The following PLCL2 variants were observed in gnomAD, a reference collection of about 807,000 sequenced individuals.
The protein encoded by PLCL2 is inactive phospholipase C-like protein 2.
A neutral mutation model predicts 79.6 loss-of-function variants in PLCL2; 4 were observed. That is an observed-to-expected ratio of 0.05 (90% CI 0.02 to 0.11). The LOEUF is 0.11. Ranked by LOEUF, PLCL2 falls within the 10% of genes least tolerant of loss-of-function variation. PLCL2 has a pLI of 1.00. For missense variants in PLCL2, 895 were observed against 1,291.0 expected, an observed-to-expected ratio of 0.69 and a Z score of 4.70; for synonymous variants, 484 against 457.7, an observed-to-expected ratio of 1.06 and a Z score of -0.73.
At chr3:17,064,718 A>C (rs1280120537) in intron 4 of PLCL2, among the ~76,000 whole-genome samples, 1 of 152,052 alleles carries the variant, frequency 6.6e-6, no homozygotes, top group Non-Finnish European at 1.5e-5. Context: ...ATAACACAGA[A>C]ATGTTTAAAT....
In PLCL2 at chr3:17,014,770, C is replaced by A. The variant is rs2064365902; in HGVS notation, c.2877C>A (p.Cys959Ter). 6.2e-7 allele frequency: 1 copy of A among 1,613,980 alleles called. No individual in the cohort carries two copies. The highest frequency in any genetic ancestry group is 8.5e-7 in the Non-Finnish European group (1 of 1,179,966). The change falls in exon 3 of 6, where the codon TGC becomes TGA. Residue 959 changes from cysteine to a stop codon, truncating the protein, a stop_gained. Coordinates refer to ENST00000615277, the MANE Select transcript of PLCL2 (RefSeq NM_001144382.2). LOFTEE classifies it high-confidence loss of function. ...GLSSVANLMQCMLAVSPRFLG... is the reference protein window; with the variant it reads ...GLSSVANLMQ ...CCTCTGTGGCCAATCTCATGCAGTG[C>A]ATGTTGGCGGTGTCTCCCCGCTTTC...
chr3:16,931,726 A>G (rs985535426), intron 1 of PLCL2, among the ~76,000 whole-genome samples: 8 of 152,146 alleles, frequency 5.3e-5, no homozygotes, highest in Admixed American at 2.6e-4. Flanking sequence ...CTCCCTTGCA[A>G]TGAGAATAAC....
intron 5 of PLCL2, among the ~76,000 whole-genome samples, chr3:17,077,607 G>C (rs920637507): frequency 1.3e-5 from 2 of 152,162 alleles, no homozygotes; most frequent in Non-Finnish European, 2.9e-5. Context: ...AATATTCACT[G>C]TACTGGTGGT....
At position 17,002,832 on chromosome 3, in the gene PLCL2, G is replaced by T. The variant is rs575879576; in HGVS notation, c.328-6842G>T. Among the ~76,000 whole-genome samples the T allele has an allele frequency of 4.9e-4, 75 of 151,650 alleles. 1 individual carries two copies. In the South Asian group the frequency reaches 0.014, roughly 28 times the overall value. On this transcript the variant is annotated intron_variant, in intron 1 of 5. Transcript: ENST00000615277. Reference sequence around the variant, plus strand: ...TATTTTCATTTGGATAATTTCTATTGACCTATCTGCAAGTTTACAGATTCT... The same window carrying T: ...TATTTTCATTTGGATAATTTCTATTTACCTATCTGCAAGTTTACAGATTCT...
At chr3:16,969,337 A>G (rs1198499473) in intron 1 of PLCL2, among the ~76,000 whole-genome samples, 1 of 151,946 alleles carries the variant, frequency 6.6e-6, no homozygotes, top group Admixed American at 6.6e-5. Flanking sequence ...TTCTTTTTGC[A>G]TGTGGTAGAA....
chr3:17,045,550 G>A (rs1185654265), intron 4 of PLCL2, among the ~76,000 whole-genome samples: 1 of 152,178 alleles, frequency 6.6e-6, no homozygotes, highest in African/African-American at 2.4e-5. Flanking sequence ...GACCCAAAGG[G>A]ACCATGGAAA....
At chr3:16,914,118 T>A (rs1220632176) in intron 1 of PLCL2, among the ~76,000 whole-genome samples, 1 of 152,228 alleles carries the variant, frequency 6.6e-6, no homozygotes, top group Non-Finnish European at 1.5e-5. Flanking sequence ...CTTCTTAATT[T>A]GGGACTTTCA....
chr3:17,032,815 A>G (rs1282003148), intron 3 of PLCL2, among the ~76,000 whole-genome samples: 1 of 152,176 alleles, frequency 6.6e-6, no homozygotes, highest in African/African-American at 2.4e-5. Context: ...CCCATATTAC[A>G]CTTGTATATG....
rs1696218594 is a variant in PLCL2, at chr3:16,886,184, T to TA, written c.327+823dup. Among the ~76,000 whole-genome samples the TA allele has an allele frequency of 1.3e-5, 2 of 152,178 alleles. No individual in the cohort carries two copies. Among genetic ancestry groups the TA allele is most frequent in the Non-Finnish European group, 2.9e-5 (2 of 68,030 alleles). ...TAATGTTACATTTTGGTTCGCAATG[T>TA]AAAAATATTTTTCATGACATGAAGT... On this transcript the variant is annotated intron_variant, in intron 1 of 5. Coordinates refer to ENST00000615277, the MANE Select transcript of PLCL2 (RefSeq NM_001144382.2). The surrounding 1 kb of genome is among the most constrained non-coding windows in gnomAD (Gnocchi z 4.2).
At position 17,083,276 on chromosome 3, in the gene PLCL2, G is replaced by A. The variant is rs556374928; in HGVS notation, c.3205-6457G>A. The stretch of plus-strand genomic sequence containing the variant: ...CATCAGAGTCAAGATGGCATCAAGG[G>A]GAGGGGAAGGAGCTAGCTACGTGCA... On this transcript the variant is annotated intron_variant, in intron 5 of 5. Coordinates refer to ENST00000615277, the MANE Select transcript of PLCL2 (RefSeq NM_001144382.2). 1.0e-3 allele frequency among the ~76,000 whole-genome samples: 159 copies of A among 152,302 alleles called. 1 individual carries two copies. Among genetic ancestry groups the A allele is most frequent in the African/African-American group, 3.7e-3 (153 of 41,552 alleles).
At chr3:17,043,409 C>A (rs902235290) in intron 4 of PLCL2, among the ~76,000 whole-genome samples, 9 of 152,102 alleles carry the variant, frequency 5.9e-5, no homozygotes, top group African/African-American at 2.2e-4. Flanking sequence ...GGCATTTTCG[C>A]GTGCTGATAA....
intron 4 of PLCL2, among the ~76,000 whole-genome samples, chr3:17,062,565 A>C (rs1248948351): frequency 6.6e-6 from 1 of 152,254 alleles, no homozygotes; most frequent in African/African-American, 2.4e-5. Context: ...AAGATGGATG[A>C]AGCCATACTT....
At chr3:17,037,300 G>A (rs527383334) in intron 3 of PLCL2, among the ~76,000 whole-genome samples, 1 of 152,266 alleles carries the variant, frequency 6.6e-6, no homozygotes, top group South Asian at 2.1e-4. Flanking sequence ...TCTCCAAGGT[G>A]GTCATGGCAG....
chr3:17,011,798 C>G lies in PLCL2; in HGVS notation c.2452C>G (p.Gln818Glu), dbSNP rs141376640. 1.2e-6 allele frequency: 2 copies of G among 1,614,226 alleles called. No homozygotes were observed. Among genetic ancestry groups the G allele is most frequent in the Admixed American group, 1.7e-5 (1 of 60,028 alleles). Reference protein sequence around the residue: ...APIFDESFEFQINLPELAMVR... With the variant: ...APIFDESFEFEINLPELAMVR... ...CATTTTTGATGAAAGCTTTGAATTT[C>G]AAATCAACCTGCCTGAACTGGCCAT... Residue 818 changes from glutamine to glutamate, a missense_variant, in exon 2 of 6, where the codon CAA becomes GAA. Around this residue, in one of 6 missense-constraint regions of PLCL2, gnomAD observed 298 missense variants for 459.6 expected, o/e 0.65. Coordinates refer to ENST00000615277, the MANE Select transcript of PLCL2 (RefSeq NM_001144382.2). This position sits in a 1 kb window ranked among gnomAD's most constrained non-coding sequence, Gnocchi z 7.9.
intron 1 of PLCL2, among the ~76,000 whole-genome samples, chr3:16,917,347 A>T (rs1202243723): frequency 6.6e-6 from 1 of 152,152 alleles, no homozygotes; most frequent in Non-Finnish European, 1.5e-5. Flanking sequence ...GTTACCTACA[A>T]ACTATATAAC....
chr3:17,035,115 GGA>G (rs2064631512), intron 3 of PLCL2, among the ~76,000 whole-genome samples: 1 of 152,082 alleles, frequency 6.6e-6, no homozygotes, highest in Non-Finnish European at 1.5e-5. Flanking sequence ...CTACCTCTGT[GGA>G]GAAAATTTTC....
intron 1 of PLCL2, among the ~76,000 whole-genome samples, chr3:16,980,851 G>C (rs2063985619): frequency 6.6e-6 from 1 of 152,228 alleles, no homozygotes; most frequent in African/African-American, 2.4e-5. Flanking sequence ...GCACCATTGA[G>C]CACTGAGTGA....
intron 1 of PLCL2, among the ~76,000 whole-genome samples, chr3:16,983,391 G>A (rs756109711): frequency 4.6e-5 from 7 of 152,126 alleles, no homozygotes; most frequent in Admixed American, 1.3e-4. Context: ...AACTTGGGCC[G>A]GGCATGGTGG....
At chr3:16,941,079 TC>T (rs1328331041) in intron 1 of PLCL2, among the ~76,000 whole-genome samples, 1 of 152,226 alleles carries the variant, frequency 6.6e-6, no homozygotes, top group Non-Finnish European at 1.5e-5. Flanking sequence ...TTTGGCCTTT[TC>T]CTACTACTAA....
Sources: gnomAD v4.1 joint callset for allele counts (sites outside exome capture counted in the v4.1 genomes callset) on GRCh38, gnomAD v4.1.1 for gene constraint, gnomAD v4.1.1 regional missense constraint, Gnocchi (gnomAD v3.1) non-coding constraint, MANE v1.5 for transcripts, NCBI Gene and HGNC (gene_info 2026-07-23, HGNC 2026-07-21) for gene names.